Variants in SPC25 observed in about 807,000 individuals in gnomAD.
SPC25 encodes SPC25 component of NDC80 kinetochore complex.
SPC25 carries 22 observed loss-of-function variants against 29.6 expected under a neutral mutation model. That is an observed-to-expected ratio of 0.74 (90% confidence interval 0.53 to 1.06). The LOEUF is 1.06. Among genes scored for constraint, SPC25 ranks in the 50% least tolerant of loss-of-function variants. The probability of loss-of-function intolerance (pLI) is 0.00; values close to 1 mark genes in which losing one functional copy is unlikely to be tolerated. For synonymous variants in SPC25, 91 were observed against 90.4 expected (o/e 1.01, Z -0.04); for missense variants, 230 against 255.8 (o/e 0.90, Z 0.69).
chr2:168,881,515 GCA>G (rs1465042915), intron 3 of SPC25, among the ~76,000 whole-genome samples: 1 of 152,144 alleles, frequency 6.6e-6, no homozygotes, highest in African/African-American at 2.4e-5. Flanking sequence ...AAGCAGGAAG[GCA>G]CAAAAAGCAT....
chr2:168,888,961 A>ATG (rs1690325274), intron 3 of SPC25, among the ~76,000 whole-genome samples: 1 of 77,392 alleles, frequency 1.3e-5, no homozygotes, highest in Non-Finnish European at 2.4e-5. Flanking sequence ...GTGTGTGTAT[A>ATG]TATATATATA....
chr2:168,883,258 G>A (rs968741241), intron 3 of SPC25, among the ~76,000 whole-genome samples: 6 of 151,920 alleles, frequency 3.9e-5, no homozygotes, highest in East Asian at 1.9e-4. Flanking sequence ...ATATAATTAC[G>A]TTAAAAACCT....
intron 3 of SPC25, among the ~76,000 whole-genome samples, chr2:168,882,349 G>C (rs1574363401): frequency 1.3e-5 from 2 of 152,380 alleles, no homozygotes; most frequent in South Asian, 2.1e-4. Flanking sequence ...GCTCACGCCT[G>C]TAATCCCTGC....
At chr2:168,863,810 C>CAAAGT (rs1689651433) in intron 4 of SPC25, 3 of 241,280 alleles carry the variant, frequency 1.2e-5, no homozygotes, top group Non-Finnish European at 2.0e-5. Context: ...GTGAAACCCT[C>CAAAGT]AAAGTACGGA....
In SPC25 at chr2:168,871,220, G is replaced by T. The variant is rs6734923; in HGVS notation, c.*211C>A. 3.2e-5 allele frequency: 8 copies of T among 250,766 alleles called. No individual in the cohort carries two copies. Among genetic ancestry groups the T allele is most frequent in the South Asian group, 1.6e-4 (2 of 12,132 alleles). The allele number at this position is 250,766 out of a possible 1,614,324, so 15.5% of individuals were successfully genotyped here. On this transcript the variant is annotated 3_prime_UTR_variant, in exon 7 of 7. Coordinates refer to ENST00000282074, the MANE Select transcript of SPC25 (RefSeq NM_020675.4). ...CGGGGACTGTTGTGGGTTGGGGGAGGGGGGAGGGATAGCATTAGGAGATAT... is the reference window on the plus strand; with the variant it reads ...CGGGGACTGTTGTGGGTTGGGGGAGTGGGGAGGGATAGCATTAGGAGATAT...
At chr2:168,888,491 C>G (rs1290716015) in intron 3 of SPC25, among the ~76,000 whole-genome samples, 1 of 151,462 alleles carries the variant, frequency 6.6e-6, no homozygotes, top group African/African-American at 2.4e-5. Context: ...GGAGGCGGAG[C>G]TTGCAGTGAG....
chr2:168,884,503 A>G (rs1283699844), intron 3 of SPC25, among the ~76,000 whole-genome samples: 1 of 152,232 alleles, frequency 6.6e-6, no homozygotes, highest in Non-Finnish European at 1.5e-5. Context: ...CTCAACAAGT[A>G]TTTGGTCAGT....
At chr2:168,884,694 G>A (rs1023324882) in intron 3 of SPC25, among the ~76,000 whole-genome samples, 3 of 151,938 alleles carry the variant, frequency 2.0e-5, no homozygotes, top group African/African-American at 7.3e-5. Flanking sequence ...TTTCCTGGTC[G>A]TTTCCATTTA....
chr2:168,863,478 T>C, intron 4 of SPC25: 1 of 985,336 alleles, frequency 1.0e-6, no homozygotes, highest in Non-Finnish European at 1.2e-6. Context: ...GGGCAGATGA[T>C]CCTGAAGGGG....
intron 5 of SPC25, 136 bp downstream of exon 5, chr2:168,875,936 A>G (rs989287653): frequency 2.2e-6 from 1 of 464,758 alleles, no homozygotes. Context: ...TAATTTAAAA[A>G]TTGTAATTTT....
chr2:168,864,369 C>T (rs1193393730), intron 4 of SPC25, among the ~76,000 whole-genome samples: 1 of 151,486 alleles, frequency 6.6e-6, no homozygotes, highest in Non-Finnish European at 1.5e-5. Flanking sequence ...TCACTGCAAC[C>T]TCTGCCTCCC....
chr2:168,866,248 C>T (rs1219974969), downstream of SPC25, among the ~76,000 whole-genome samples: 1 of 152,302 alleles, frequency 6.6e-6, no homozygotes, highest in Non-Finnish European at 1.5e-5. Context: ...GTAACCAAAA[C>T]AGCATGGTAC....
At chr2:168,865,777 A>AGAT (rs10679511) in intron 4 of SPC25, among the ~76,000 whole-genome samples, 58,165 of 151,530 alleles carry the variant, frequency 0.38, 11,723 homozygotes, top group Non-Finnish European at 0.46. Flanking sequence ...CAAAGTCTCA[A>AGAT]GATACAAAAT....
intron 3 of SPC25, among the ~76,000 whole-genome samples, chr2:168,879,090 G>A (rs770513335): frequency 3.1e-4 from 47 of 152,188 alleles, no homozygotes; most frequent in Non-Finnish European, 5.7e-4. Context: ...AACTTTTGCA[G>A]GGGGAGGGTC....
At chr2:168,863,489 G>T in intron 4 of SPC25, 2 of 985,332 alleles carry the variant, frequency 2.0e-6, no homozygotes, top group Non-Finnish European at 2.4e-6. Flanking sequence ...CCTGAAGGGG[G>T]CAGATCTTTC....
chr2:168,872,038 G>A (rs1574358332), intron 6 of SPC25, among the ~76,000 whole-genome samples: 1 of 151,250 alleles, frequency 6.6e-6, no homozygotes, highest in Admixed American at 6.6e-5. Flanking sequence ...GTACAGTGGT[G>A]AGATCCCAGC....
At chr2:168,866,076 C>T (rs1463659302), downstream of SPC25, among the ~76,000 whole-genome samples, 1 of 152,298 alleles carries the variant, frequency 6.6e-6, no homozygotes, top group Non-Finnish European at 1.5e-5. Flanking sequence ...CAATGCCATC[C>T]CCATCAAGCT....
At chr2:168,864,408 C>T (rs1181743425) in intron 4 of SPC25, among the ~76,000 whole-genome samples, 4 of 152,062 alleles carry the variant, frequency 2.6e-5, no homozygotes, top group African/African-American at 4.8e-5. Flanking sequence ...GCCTCAGCCT[C>T]CTGAGTAGCT....
At chr2:168,869,785 G>A (rs1689944780), downstream of SPC25, among the ~76,000 whole-genome samples, 1 of 152,140 alleles carries the variant, frequency 6.6e-6, no homozygotes, top group Non-Finnish European at 1.5e-5. Flanking sequence ...TGTTGCCCAA[G>A]GTAATTTATA....
Sources: gnomAD v4.1 joint callset for allele counts (sites outside exome capture counted in the v4.1 genomes callset) on GRCh38, gnomAD v4.1.1 for gene constraint, MANE v1.5 for transcripts, NCBI Gene and HGNC (gene_info 2026-07-23, HGNC 2026-07-21) for gene names.